NELL1: variants seen among roughly 807,000 people sequenced by gnomAD.
The protein encoded by NELL1 is neural EGFL like 1.
In NELL1, 76 loss-of-function variants were observed where a neutral mutation model predicts 107.4. The observed-to-expected ratio is 0.71, with a 90% CI of 0.59 to 0.86. The LOEUF (loss-of-function observed/expected upper bound fraction) is 0.86. Among genes scored for constraint, NELL1 ranks in the 40% least tolerant of loss-of-function variants. NELL1 has a pLI of 0.00. For synonymous variants in NELL1, 353 were observed against 341.2 expected, an observed-to-expected ratio of 1.03 and a Z score of -0.38; for missense variants, 1,024 against 1,005.5, an observed-to-expected ratio of 1.02 and a Z score of -0.25.
At chr11:20,817,200 T>C (rs891517133) in intron 3 of NELL1, among the ~76,000 whole-genome samples, 1 of 152,162 alleles carries the variant, frequency 6.6e-6, no homozygotes, top group East Asian at 1.9e-4. Context: ...TTTGGAATAG[T>C]TTCAGTAGAA....
intron 15 of NELL1, among the ~76,000 whole-genome samples, chr11:21,494,227 A>G (rs1854914681): frequency 6.6e-6 from 1 of 152,038 alleles, no homozygotes. Flanking sequence ...AGTGTTTCGT[A>G]AACATCTATT....
chr11:21,265,966 AC>A (rs770953343), intron 14 of NELL1, among the ~76,000 whole-genome samples: 72 of 151,976 alleles, frequency 4.7e-4, no homozygotes, highest in Non-Finnish European at 9.1e-4. Context: ...TTTCAGCCAA[AC>A]AGGAATGCTT....
intron 2 of NELL1, among the ~76,000 whole-genome samples, chr11:20,727,296 GT>G (rs1440960237): frequency 6.6e-6 from 1 of 152,134 alleles, no homozygotes; most frequent in Non-Finnish European, 1.5e-5. Flanking sequence ...ATTTTAACTG[GT>G]GTGAGATGGT....
intron 12 of NELL1, among the ~76,000 whole-genome samples, chr11:21,011,235 T>A (rs1852439353): frequency 6.6e-6 from 1 of 152,138 alleles, no homozygotes; most frequent in Non-Finnish European, 1.5e-5. Context: ...GATCTCCTGG[T>A]CTAGCCCAGA....
chr11:21,535,702 A>G lies in NELL1; in HGVS notation c.1786+1188A>G, dbSNP rs75074476. ...ATCCAGTCTGTATTTCAGCTATCTCATCTGTGAAATTGAAATAATGTTTAT... is the reference window on the plus strand; with the variant it reads ...ATCCAGTCTGTATTTCAGCTATCTCGTCTGTGAAATTGAAATAATGTTTAT... On this transcript the variant is annotated intron_variant, in intron 16 of 19. Transcript: ENST00000357134. Among the ~76,000 whole-genome samples, 1,453 of 152,236 alleles carry G rather than the reference A, an allele frequency of 9.5e-3. 20 individuals are homozygous for G. The highest frequency in any genetic ancestry group is 0.033 in the African/African-American group (1,385 of 41,538).
intron 14 of NELL1, among the ~76,000 whole-genome samples, chr11:21,279,213 T>C (rs531844137): frequency 2.6e-5 from 4 of 152,162 alleles, no homozygotes; most frequent in Non-Finnish European, 5.9e-5. Flanking sequence ...ACCTATAGTA[T>C]GGCAATTATT....
chr11:20,751,062 T>C (rs954779860), intron 2 of NELL1, among the ~76,000 whole-genome samples: 3 of 152,156 alleles, frequency 2.0e-5, no homozygotes, highest in African/African-American at 4.8e-5. Context: ...TGTGTATATA[T>C]GAATCTATTT....
intron 13 of NELL1, among the ~76,000 whole-genome samples, chr11:21,164,062 A>G (rs1048382630): frequency 1.2e-4 from 19 of 152,294 alleles, no homozygotes; most frequent in African/African-American, 4.3e-4. Flanking sequence ...GTGCGAGTCA[A>G]GGAGAGAAGC....
intron 15 of NELL1, among the ~76,000 whole-genome samples, chr11:21,523,242 T>C (rs1215252618): frequency 6.6e-6 from 1 of 152,172 alleles, no homozygotes; most frequent in Non-Finnish European, 1.5e-5. Context: ...TAGTTTAACT[T>C]GTTTGTGCTT....
At chr11:20,826,265 T>A (rs1456088642) in intron 3 of NELL1, among the ~76,000 whole-genome samples, 3 of 150,856 alleles carry the variant, frequency 2.0e-5, no homozygotes, top group Non-Finnish European at 4.5e-5. Context: ...AGAAACTAGG[T>A]TCTTCTATAT....
At chr11:21,418,537 T>C (rs146111014) in intron 15 of NELL1, among the ~76,000 whole-genome samples, 4 of 152,258 alleles carry the variant, frequency 2.6e-5, no homozygotes, top group Non-Finnish European at 5.9e-5. Context: ...TGCACATGTG[T>C]ACTGAGCACA....
In NELL1 at chr11:20,690,571, T is replaced by G. The variant is rs570285643; in HGVS notation, c.184+12511T>G. On this transcript the variant is annotated intron_variant, in intron 2 of 19. Coordinates refer to ENST00000357134, the MANE Select transcript of NELL1 (RefSeq NM_006157.5). ...TCCCCATTGCTTGTTTTTCTCAGGT[T>G]TGTCAAAGATCAGATAGTTGTAGAT... 2.8e-4 allele frequency among the ~76,000 whole-genome samples: 41 copies of G among 146,682 alleles called. No homozygotes were observed. The East Asian group carries it at 7.4e-3, about 26-fold the overall frequency.
intron 15 of NELL1, among the ~76,000 whole-genome samples, chr11:21,525,762 G>C (rs776051971): frequency 1.3e-5 from 2 of 152,052 alleles, no homozygotes; most frequent in Non-Finnish European, 2.9e-5. Flanking sequence ...GCTTGTGCAG[G>C]GGAACTCCCA....
intron 2 of NELL1, among the ~76,000 whole-genome samples, chr11:20,725,569 A>G (rs1051228875): frequency 1.3e-5 from 2 of 152,210 alleles, no homozygotes; most frequent in Non-Finnish European, 2.9e-5. Context: ...GGTTTTATAT[A>G]AACATACTTA....
chr11:21,470,222 C>T (rs535227001), intron 15 of NELL1, among the ~76,000 whole-genome samples: 3 of 152,134 alleles, frequency 2.0e-5, no homozygotes, highest in Admixed American at 6.6e-5. Context: ...AGAGCTCAAA[C>T]TTTCTTCAGA....
intron 2 of NELL1, among the ~76,000 whole-genome samples, chr11:20,758,767 A>G (rs1396554499): frequency 6.6e-6 from 1 of 152,224 alleles, no homozygotes; most frequent in Non-Finnish European, 1.5e-5. Context: ...AGATTACAGT[A>G]GTGCCCCTAA....
chr11:21,425,648 A>G (rs1324217276), intron 15 of NELL1, among the ~76,000 whole-genome samples: 8 of 152,208 alleles, frequency 5.3e-5, no homozygotes, highest in Non-Finnish European at 1.0e-4. Flanking sequence ...TAGAGCCCCG[A>G]GAAGTATCAC....
At chr11:20,797,143 G>A (rs1007063521) in intron 3 of NELL1, among the ~76,000 whole-genome samples, 5 of 152,176 alleles carry the variant, frequency 3.3e-5, no homozygotes, top group African/African-American at 1.2e-4. Context: ...TTAGGCCCAG[G>A]GCATTGGGAG....
rs75013900 is a variant in NELL1, at chr11:21,555,824, G to A, written c.1787-4365G>A. On this transcript the variant is annotated intron_variant, in intron 16 of 19. Coordinates refer to ENST00000357134, the MANE Select transcript of NELL1 (RefSeq NM_006157.5). ...GAGATGAGTTTGAGCTCCTCATCAC[G>A]CTAATGGATCTCTTCTGATGTGTTC... 4.8e-3 allele frequency among the ~76,000 whole-genome samples: 732 copies of A among 151,918 alleles called. 4 individuals are homozygous for A. Among genetic ancestry groups the A allele is most frequent in the African/African-American group, 0.017 (698 of 41,478 alleles).
Sources: allele counts gnomAD v4.1 joint callset (sites outside exome capture counted in the v4.1 genomes callset), GRCh38; gene constraint gnomAD v4.1.1; transcripts MANE v1.5; gene names NCBI Gene and HGNC (gene_info 2026-07-23, HGNC 2026-07-21).